The following SHISA9 variants were observed in gnomAD, a reference collection of about 807,000 sequenced individuals.
SHISA9 encodes protein shisa-9.
In SHISA9, 13 loss-of-function variants were observed where a neutral mutation model predicts 38.0. The ratio of observed to expected loss-of-function variants is 0.34; its 90% confidence interval spans 0.22 to 0.54. The LOEUF (loss-of-function observed/expected upper bound fraction) is 0.54. Ranked by LOEUF, SHISA9 falls within the 20% of genes least tolerant of loss-of-function variation. The pLI, the probability that SHISA9 is intolerant of heterozygous loss-of-function variation, is 0.91. For missense variants in SHISA9, 538 were observed against 575.8 expected (o/e 0.93, Z 0.67); for synonymous variants, 275 against 242.0 (o/e 1.14, Z -1.27).
rs551005276 is a variant in SHISA9, at chr16:13,203,847, TTATC to T, written c.847+304_847+307del. The stretch of plus-strand genomic sequence containing the variant: ...ATCCATCTACCTACCTACATATGTA[TTATC>T]TATCTGTCTGTCCATCCATCCATCC... On this transcript the variant is annotated intron_variant, in intron 3 of 4. Transcript: ENST00000558583. Among the ~76,000 whole-genome samples the T allele has an allele frequency of 1.3e-3, 199 of 152,158 alleles. 1 individual carries two copies. Among genetic ancestry groups the T allele is most frequent in the African/African-American group, 4.5e-3 (185 of 41,514 alleles).
intron 1 of SHISA9, 36 bp downstream of exon 1, chr16:12,902,663 T>A: frequency 2.7e-6 from 4 of 1,502,090 alleles, no homozygotes; most frequent in Non-Finnish European, 3.6e-6. Context: ...CCTCGGGGCT[T>A]CGCTCTCCCT....
chr16:13,392,131 A>G, the SHISA9 span, among the ~76,000 whole-genome samples: 1 of 152,094 alleles, frequency 6.6e-6, no homozygotes, highest in Non-Finnish European at 1.5e-5. Context: ...GAGTAAAGGT[A>G]CCTCGAACAT....
At chr16:13,283,184 T>C in the SHISA9 span, among the ~76,000 whole-genome samples, 3 of 152,148 alleles carry the variant, frequency 2.0e-5, no homozygotes, top group South Asian at 6.2e-4. Context: ...ACTAGGAACT[T>C]TGTGCAACTT....
At chr16:13,428,929 C>A in the SHISA9 span, among the ~76,000 whole-genome samples, 3 of 152,166 alleles carry the variant, frequency 2.0e-5, no homozygotes, top group Non-Finnish European at 4.4e-5. Flanking sequence ...CCAGGCCTGA[C>A]TAATTTTTGT....
At chr16:12,948,209 C>T (rs1003359904) in intron 2 of SHISA9, among the ~76,000 whole-genome samples, 42 of 152,152 alleles carry the variant, frequency 2.8e-4, no homozygotes, top group African/African-American at 9.9e-4. Flanking sequence ...CTCATTTGCT[C>T]AGGGTCATAG....
intron 2 of SHISA9, among the ~76,000 whole-genome samples, chr16:13,156,306 C>G (rs970443036): frequency 6.6e-6 from 1 of 152,112 alleles, no homozygotes; most frequent in African/African-American, 2.4e-5. Flanking sequence ...TGGTACTTGC[C>G]AGCATGCTTA....
Position 12,946,200 on chromosome 16 carries a change from A to G in SHISA9, c.691+29385A>G, listed in dbSNP as rs550598461. Reference sequence around the variant, plus strand: ...TCTCTGTTGTTTTCCATTGGTCTATATATCTGTTTTGGTACCAGTACCATG... The same window carrying G: ...TCTCTGTTGTTTTCCATTGGTCTATGTATCTGTTTTGGTACCAGTACCATG... On this transcript the variant is annotated intron_variant, in intron 2 of 4. Coordinates refer to ENST00000558583, the MANE Select transcript of SHISA9 (RefSeq NM_001145204.3). Among the ~76,000 whole-genome samples the G allele has an allele frequency of 4.6e-5, 7 of 152,240 alleles. No individual in the cohort carries two copies. In the South Asian group the frequency reaches 1.5e-3, roughly 32 times the overall value.
chr16:13,416,755 G>A, the SHISA9 span, among the ~76,000 whole-genome samples: 54 of 133,370 alleles, frequency 4.0e-4, no homozygotes, highest in East Asian at 6.9e-3. Flanking sequence ...AGGAAGGAAG[G>A]AAGGAAGGAA....
At chr16:13,317,423 G>C in the SHISA9 span, among the ~76,000 whole-genome samples, 29 of 152,120 alleles carry the variant, frequency 1.9e-4, no homozygotes, top group Non-Finnish European at 3.4e-4. Flanking sequence ...AAGAGTTCAG[G>C]CTTTGGGTTC....
chr16:13,049,863 C>T (rs767889113), intron 2 of SHISA9, among the ~76,000 whole-genome samples: 18 of 152,120 alleles, frequency 1.2e-4, no homozygotes, highest in South Asian at 6.3e-4. Flanking sequence ...TCCTGCCTCT[C>T]GGTGCATTGG....
chr16:13,139,199 A>G (rs1373454915), intron 2 of SHISA9, among the ~76,000 whole-genome samples: 2 of 149,448 alleles, frequency 1.3e-5, no homozygotes, highest in African/African-American at 2.5e-5. Context: ...TCCCTCTATT[A>G]TCTCCCTCCC....
At chr16:13,325,218 A>G in the SHISA9 span, among the ~76,000 whole-genome samples, 9 of 152,188 alleles carry the variant, frequency 5.9e-5, no homozygotes, top group African/African-American at 1.9e-4. Context: ...AAATATATCA[A>G]ATAAATATAT....
At chr16:13,362,259 C>CAA in the SHISA9 span, among the ~76,000 whole-genome samples, 1 of 138,644 alleles carries the variant, frequency 7.2e-6, no homozygotes, top group African/African-American at 2.7e-5. Context: ...ACAGCAACAA[C>CAA]AAAAAAAACC....
chr16:12,945,681 A>G (rs1317487887), intron 2 of SHISA9, among the ~76,000 whole-genome samples: 1 of 152,218 alleles, frequency 6.6e-6, no homozygotes, highest in East Asian at 1.9e-4. Context: ...CCAACTGAAA[A>G]ATTGGAATGA....
At chr16:13,354,096 C>T in the SHISA9 span, among the ~76,000 whole-genome samples, 1 of 149,134 alleles carries the variant, frequency 6.7e-6, no homozygotes, top group Non-Finnish European at 1.5e-5. Context: ...ATTTGCCAGT[C>T]CTGGGTGGGG....
At chr16:13,469,365 A>AAAAGAAAGAAAG in the SHISA9 span, among the ~76,000 whole-genome samples, 749 of 64,468 alleles carry the variant, frequency 0.012, 19 homozygotes, top group African/African-American at 0.013. Context: ...AAAGAAAAGA[A>AAAAGAAAGAAAG]AAAGAAAGAA....
intron 2 of SHISA9, among the ~76,000 whole-genome samples, chr16:13,131,530 G>A (rs977934283): frequency 1.3e-5 from 2 of 152,134 alleles, no homozygotes; most frequent in Admixed American, 1.3e-4. Context: ...TTAATACCAA[G>A]GTGATGGGTT....
chr16:12,955,089 A>G (rs932210949), intron 2 of SHISA9, among the ~76,000 whole-genome samples: 7 of 151,470 alleles, frequency 4.6e-5, no homozygotes, highest in Admixed American at 4.0e-4. Flanking sequence ...TAGTGTTTCC[A>G]TTGATTTCTC....
intron 2 of SHISA9, among the ~76,000 whole-genome samples, chr16:13,001,453 C>A (rs1204089078): frequency 1.3e-5 from 2 of 152,112 alleles, no homozygotes. Flanking sequence ...TTTACCTAGA[C>A]CTTTGGTTCT....
Sources: gnomAD v4.1 joint callset for allele counts (sites outside exome capture counted in the v4.1 genomes callset) on GRCh38, gnomAD v4.1.1 for gene constraint, MANE v1.5 for transcripts, NCBI Gene and HGNC (gene_info 2026-07-23, HGNC 2026-07-21) for gene names.